The following PIGG variants were observed in gnomAD, a reference collection of about 807,000 sequenced individuals.
The protein encoded by PIGG is GPI ethanolamine phosphate transferase 2, catalytic subunit.
In PIGG, 70 loss-of-function variants were observed where a neutral mutation model predicts 83.2. The ratio of observed to expected loss-of-function variants is 0.84; its 90% CI spans 0.69 to 1.03. The LOEUF (loss-of-function observed/expected upper bound fraction) is 1.03. Among genes scored for constraint, PIGG ranks in the 50% least tolerant of loss-of-function variants. The pLI, the probability that PIGG is intolerant of heterozygous loss-of-function variation, is 0.00. For missense variants in PIGG, 1,257 were observed against 1,233.6 expected (o/e 1.02, Z -0.28); for synonymous variants, 532 against 519.5 (o/e 1.02, Z -0.33).
chr4:500,367 AT>A lies in PIGG; in HGVS notation c.155-26del, dbSNP rs1717195782. 2.6e-6 allele frequency: 4 copies of A among 1,548,694 alleles called. No individual in the cohort carries two copies. The East Asian group carries it at 9.0e-5, about 35-fold the overall frequency. On this transcript the variant is annotated intron_variant, in intron 1 of 12. Transcript: ENST00000453061. ...GATGCTAAGGAAAGTTTAGAGTTCA[AT>A]TTCCTTTTTTTTCTTTCAAACACTT...
In PIGG at chr4:528,068, G is replaced by A; in HGVS notation, c.2261+838G>A. Reference sequence around the variant, plus strand: ...ATCCTCCCAGTGAGGTCGGTGCTCTGACAGTGACCGTCCCAGTGAGGTCGG... The same window carrying A: ...ATCCTCCCAGTGAGGTCGGTGCTCTAACAGTGACCGTCCCAGTGAGGTCGG... On this transcript the variant is annotated intron_variant, in intron 10 of 12. Coordinates refer to ENST00000453061, the MANE Select transcript of PIGG (RefSeq NM_001127178.3). This position sits in a 1 kb window ranked among gnomAD's most constrained non-coding sequence, Gnocchi z 4.8. 2.0e-6 allele frequency: 2 copies of A among 985,306 alleles called. No homozygotes were observed. The highest frequency in any genetic ancestry group is 4.7e-5 in the South Asian group (1 of 21,278). 61.0% of individuals were successfully genotyped at this position (985,306 alleles called of 1,614,324 possible). A position where few individuals can be genotyped will look rare whatever the true frequency, so the allele number is the denominator to read the frequency against.
intron 5 of PIGG, among the ~76,000 whole-genome samples, chr4:511,111 T>C (rs1721761335): frequency 1.3e-5 from 2 of 152,030 alleles, no homozygotes; most frequent in Non-Finnish European, 2.9e-5. Context: ...CTGACCAACA[T>C]GGAGAAACCC....
chr4:526,996 G>C (rs371244637), intron 9 of PIGG, 43 bp from the exon 10 acceptor site: 5 of 1,611,670 alleles, frequency 3.1e-6, no homozygotes, highest in East Asian at 2.2e-5. Context: ...TGATCTTGTC[G>C]CTGTTTGTTT....
Position 505,659 on chromosome 4 carries a change from C to T in PIGG, c.361-59C>T, listed in dbSNP as rs188889117. On this transcript the variant is annotated intron_variant, in intron 2 of 12. Transcript: ENST00000453061. Reference sequence around the variant, plus strand: ...AAAAAAAAAAAAAAAATCTTCAGTGCCCTTTTCATGCTCCGGTTTTGGATT... The same window carrying T: ...AAAAAAAAAAAAAAAATCTTCAGTGTCCTTTTCATGCTCCGGTTTTGGATT... 3.6e-5 allele frequency: 43 copies of T among 1,196,396 alleles called. No homozygotes were observed. The African/African-American group carries it at 6.4e-4, about 18-fold the overall frequency. The allele number at this position is 1,196,396 out of a possible 1,614,324, so 74.1% of individuals were successfully genotyped here.
chr4:516,459 G>C (rs1456228891), intron 6 of PIGG, among the ~76,000 whole-genome samples: 1 of 152,174 alleles, frequency 6.6e-6, no homozygotes, highest in South Asian at 2.1e-4. Flanking sequence ...CTGTTAACAG[G>C]CACTGGAGAC....
intron 6 of PIGG, among the ~76,000 whole-genome samples, chr4:517,840 C>T (rs982071828): frequency 2.0e-5 from 3 of 152,148 alleles, no homozygotes; most frequent in Admixed American, 6.5e-5. Context: ...TTCAGACAAT[C>T]GACTCTGACG....
At chr4:534,386 C>T (rs529510229) in intron 12 of PIGG, among the ~76,000 whole-genome samples, 3 of 152,354 alleles carry the variant, frequency 2.0e-5, no homozygotes, top group Non-Finnish European at 2.9e-5. Flanking sequence ...AGACGGCTCT[C>T]GGCCCCCAGA....
Position 527,201 on chromosome 4 carries a change from G to T in PIGG, c.2232G>T (p.Pro744=). 1 of 1,603,738 alleles carries T rather than the reference G, an allele frequency of 6.2e-7. No homozygotes were observed. The highest frequency in any genetic ancestry group is 1.1e-5 in the South Asian group (1 of 89,810). The stretch of plus-strand genomic sequence containing the variant: ...CGGCCATCGGGAGTGTCCGGTTCCC[G>T]TGGCGGCCGGACAGCAAGGACATTT... The part of the protein sequence containing the change: ...YRAAIGSVRF[P]WRPDSKDISK... The change falls in exon 10 of 13, where the codon CCG becomes CCT. Residue 744 remains proline, a synonymous_variant. Transcript: ENST00000453061.
chr4:499,482 C>T lies in PIGG; in HGVS notation c.147C>T (p.Pro49=). 1 of 1,597,328 alleles carries T rather than the reference C, an allele frequency of 6.3e-7. No homozygotes were observed. The highest frequency in any genetic ancestry group is 1.1e-5 in the South Asian group (1 of 90,390). The change falls in exon 1 of 13, where the codon CCC becomes CCT. Residue 49 remains proline, a synonymous_variant. Coordinates refer to ENST00000453061, the MANE Select transcript of PIGG (RefSeq NM_001127178.3). ...GAGCGGAGCCCCCAGCGCCCGAACC[C>T]TCGGCTGGTACGGACCCCTCCCCGG... is the stretch of plus-strand genomic sequence containing the variant. The part of the protein sequence containing the change: ...EHGAEPPAPE[P]SAGASSNWTT...
chr4:503,081 T>C (rs2108766478), intron 2 of PIGG, among the ~76,000 whole-genome samples: 1 of 152,210 alleles, frequency 6.6e-6, no homozygotes, highest in Non-Finnish European at 1.5e-5. Context: ...ATGCCAGTTT[T>C]TGTTTATCAT....
intron 3 of PIGG, chr4:506,654 TAGTG>T: frequency 2.5e-6 from 1 of 397,052 alleles, no homozygotes; most frequent in Non-Finnish European, 5.2e-6. Context: ...GAGATTTTTT[TAGTG>T]GGAGGGAGAT....
chr4:511,694 G>A (rs1560298388), intron 5 of PIGG, among the ~76,000 whole-genome samples: 1 of 152,334 alleles, frequency 6.6e-6, no homozygotes, highest in Middle Eastern at 3.4e-3. Context: ...CTTTACTGAT[G>A]CTCTTTGCTT....
At chr4:518,421 A>T (rs371517042) in intron 6 of PIGG, among the ~76,000 whole-genome samples, 1 of 151,982 alleles carries the variant, frequency 6.6e-6, no homozygotes, top group Non-Finnish European at 1.5e-5. Context: ...GTGAAACCCC[A>T]TCTCTACTAA....
intron 3 of PIGG, chr4:506,865 G>A (rs968933512): frequency 8.8e-6 from 4 of 452,722 alleles, no homozygotes; most frequent in Non-Finnish European, 1.8e-5. Context: ...CTTTAACGCT[G>A]GGTACTGTCC....
intron 2 of PIGG, among the ~76,000 whole-genome samples, chr4:503,540 G>A (rs1553877015): frequency 6.6e-6 from 1 of 152,094 alleles, no homozygotes; most frequent in African/African-American, 2.4e-5. Context: ...GTTTGCAGGT[G>A]TTTTACTCTG....
intron 12 of PIGG, chr4:536,679 A>C (rs1023658321): frequency 6.6e-6 from 1 of 152,166 alleles, no homozygotes; most frequent in African/African-American, 2.4e-5. Flanking sequence ...GAAACAGGAG[A>C]CGCCGTCCTC....
rs1233164783 is a variant in PIGG at position 528,298 on chromosome 4, T to G, written c.2261+1068T>G. On this transcript the variant is annotated intron_variant, in intron 10 of 12. Transcript: ENST00000453061. The surrounding 1 kb of genome is among the most constrained non-coding windows in gnomAD (Gnocchi z 4.8). ...TGGTGATTATATTTAGGACCTGAAA[T>G]CATAAGATTGTGGTCTTGCTTTTTA... The G allele has an allele frequency of 1.0e-6, 1 of 983,822 alleles. No individual in the cohort carries two copies. The highest frequency in any genetic ancestry group is 1.7e-5 in the African/African-American group (1 of 57,210). 60.9% of individuals were successfully genotyped at this position (983,822 alleles called of 1,614,324 possible).
intron 10 of PIGG, among the ~76,000 whole-genome samples, chr4:529,335 G>A (rs1728475127): frequency 6.6e-6 from 1 of 151,782 alleles, no homozygotes; most frequent in Non-Finnish European, 1.5e-5. Context: ...TTGGCCTGTG[G>A]GGGTTGCCAG....
At chr4:508,266 T>G (rs1251109792) in intron 4 of PIGG, among the ~76,000 whole-genome samples, 1 of 152,066 alleles carries the variant, frequency 6.6e-6, no homozygotes, top group Admixed American at 6.5e-5. Context: ...GAGCAGAGAC[T>G]TGAAGGGAGG....
Sources: allele counts gnomAD v4.1 joint callset (sites outside exome capture counted in the v4.1 genomes callset), GRCh38; gene constraint gnomAD v4.1.1; non-coding constraint Gnocchi (gnomAD v3.1); transcripts MANE v1.5; gene names NCBI Gene and HGNC (gene_info 2026-07-23, HGNC 2026-07-21).